Variants in EYS observed in about 807,000 individuals in gnomAD.
The protein encoded by EYS is EGF-like photoreceptor maintenance factor.
In EYS, 250 loss-of-function variants were observed where a neutral mutation model predicts 282.1. The observed-to-expected ratio is 0.89, with a 90% CI of 0.80 to 0.98. The LOEUF (loss-of-function observed/expected upper bound fraction) is 0.98, where lower values mean the gene tolerates loss of function less well. Among genes scored for constraint, EYS ranks in the 50% least tolerant of loss-of-function variants. The pLI is 0.00. For synonymous variants in EYS, 1,355 were observed against 1,282.9 expected (o/e 1.06, Z -1.20); for missense variants, 4,016 against 3,709.0 (o/e 1.08, Z -2.15).
At chr6:65,617,618 T>G (rs993353737) in intron 2 of EYS, among the ~76,000 whole-genome samples, 15 of 151,788 alleles carry the variant, frequency 9.9e-5, no homozygotes, top group African/African-American at 3.4e-4. Context: ...TAGTTACATA[T>G]GTATACATGT....
intron 22 of EYS, among the ~76,000 whole-genome samples, chr6:64,644,651 A>AGAT (rs1310509610): frequency 6.6e-5 from 10 of 152,210 alleles, no homozygotes; most frequent in African/African-American, 2.4e-4. Context: ...TGATATGAAA[A>AGAT]GATGATGAGC....
intron 31 of EYS, among the ~76,000 whole-genome samples, chr6:64,187,445 T>C (rs981126189): frequency 2.6e-5 from 4 of 152,122 alleles, no homozygotes; most frequent in African/African-American, 9.7e-5. Flanking sequence ...ACGTATTTCT[T>C]TGTGTTGGAA....
intron 13 of EYS, among the ~76,000 whole-genome samples, chr6:65,018,730 T>G (rs1583403495): frequency 6.6e-6 from 1 of 152,130 alleles, no homozygotes; most frequent in South Asian, 2.1e-4. Context: ...TAAAAGACCA[T>G]GTTCTTCTAA....
rs539975743 is a variant in EYS, at chr6:64,536,476, G to A, written c.5644+53747C>T. Among the ~76,000 whole-genome samples the A allele has an allele frequency of 2.7e-4, 41 of 152,230 alleles. 2 individuals are homozygous for A. Among genetic ancestry groups the A allele is most frequent in the African/African-American group, 9.9e-4 (41 of 41,550 alleles). The stretch of plus-strand genomic sequence containing the variant: ...GGTTTAACATTGAACCTCAACTTGA[G>A]TTGAGTCAGTGCACTGGAGTAGCAA... On this transcript the variant is annotated intron_variant, in intron 26 of 42. Coordinates refer to ENST00000503581, the MANE Select transcript of EYS (RefSeq NM_001142800.2).
chr6:63,961,590 A>T (rs1315345228), intron 35 of EYS, among the ~76,000 whole-genome samples: 1 of 151,990 alleles, frequency 6.6e-6, no homozygotes, highest in Non-Finnish European at 1.5e-5. Flanking sequence ...CTCTTTATTT[A>T]TATTTATTTA....
intron 26 of EYS, among the ~76,000 whole-genome samples, chr6:64,578,810 C>T (rs1183720680): frequency 6.6e-6 from 1 of 152,010 alleles, no homozygotes; most frequent in Non-Finnish European, 1.5e-5. Flanking sequence ...TGGAAGAACA[C>T]ATTTTATGAT....
intron 22 of EYS, among the ~76,000 whole-genome samples, chr6:64,626,528 T>A (rs7760032): frequency 6.6e-6 from 1 of 152,050 alleles, no homozygotes; most frequent in African/African-American, 2.4e-5. Flanking sequence ...CGGTGGGCTC[T>A]AAATCCAGTG....
intron 31 of EYS, among the ~76,000 whole-genome samples, chr6:64,132,414 G>A (rs1774010393): frequency 6.6e-6 from 1 of 151,624 alleles, no homozygotes; most frequent in South Asian, 2.1e-4. Flanking sequence ...AGACAGTGTA[G>A]ATAATCTAAA....
At chr6:64,754,178 T>C (rs2149972392) in intron 22 of EYS, among the ~76,000 whole-genome samples, 1 of 152,124 alleles carries the variant, frequency 6.6e-6, no homozygotes, top group South Asian at 2.1e-4. Context: ...TAACAACATA[T>C]CATCACACCT....
intron 5 of EYS, among the ~76,000 whole-genome samples, chr6:65,447,183 C>A (rs187252263): frequency 2.6e-5 from 4 of 150,996 alleles, no homozygotes; most frequent in African/African-American, 9.7e-5. Flanking sequence ...TTGTTTTATT[C>A]ATTTGCTTAA....
At chr6:64,958,695 A>ACAG (rs373542526) in intron 14 of EYS, among the ~76,000 whole-genome samples, 17 of 140,582 alleles carry the variant, frequency 1.2e-4, no homozygotes, top group African/African-American at 2.9e-4. Flanking sequence ...AGATCGCGCC[A>ACAG]CAGCACTCCA....
chr6:64,989,426 TGAG>T (rs1770977879), intron 14 of EYS, among the ~76,000 whole-genome samples: 3 of 111,596 alleles, frequency 2.7e-5, no homozygotes, highest in African/African-American at 3.9e-5. Flanking sequence ...TGAATATATA[TGAG>T]AAACAGGAAG....
At chr6:65,549,211 C>A (rs1768509514) in intron 2 of EYS, among the ~76,000 whole-genome samples, 1 of 152,176 alleles carries the variant, frequency 6.6e-6, no homozygotes, top group Non-Finnish European at 1.5e-5. Flanking sequence ...TATTCCTGGA[C>A]TAATAGATCT....
chr6:63,843,424 A>G (rs1772016262), intron 36 of EYS, among the ~76,000 whole-genome samples: 1 of 152,082 alleles, frequency 6.6e-6, no homozygotes, highest in African/African-American at 2.4e-5. Flanking sequence ...GGTGTACAGG[A>G]ATGCTTGTAA....
chr6:65,289,539 AC>A (rs1768464712), intron 12 of EYS, among the ~76,000 whole-genome samples: 1 of 150,978 alleles, frequency 6.6e-6, no homozygotes, highest in South Asian at 2.1e-4. Context: ...GATAATTCTT[AC>A]CCCCAGCCTG....
chr6:64,275,795 A>AAAAAT (rs1361428990), intron 30 of EYS, among the ~76,000 whole-genome samples: 1 of 69,736 alleles, frequency 1.4e-5, no homozygotes, highest in African/African-American at 6.9e-5. Context: ...GTCTACTAAA[A>AAAAAT]AAATAAAATA....
intron 26 of EYS, among the ~76,000 whole-genome samples, chr6:64,577,686 C>T (rs865892284): frequency 3.3e-5 from 5 of 152,168 alleles, no homozygotes; most frequent in African/African-American, 4.8e-5. Flanking sequence ...AGAATCAACA[C>T]GACTTATCAA....
chr6:64,583,726 C>T (rs1352739638), intron 26 of EYS, among the ~76,000 whole-genome samples: 1 of 151,796 alleles, frequency 6.6e-6, no homozygotes, highest in Non-Finnish European at 1.5e-5. Flanking sequence ...ACCTGGGAGG[C>T]AGAGGTTGCA....
chr6:65,417,581 A>G (rs548524066), intron 5 of EYS, among the ~76,000 whole-genome samples: 1 of 152,170 alleles, frequency 6.6e-6, no homozygotes, highest in Admixed American at 6.6e-5. Context: ...GTGGGCCATC[A>G]GGTCTCTTGG....
Sources: allele counts gnomAD v4.1 joint callset (sites outside exome capture counted in the v4.1 genomes callset), GRCh38; gene constraint gnomAD v4.1.1; transcripts MANE v1.5; gene names NCBI Gene and HGNC (gene_info 2026-07-23, HGNC 2026-07-21).